Variants in CCDC141 observed in about 807,000 individuals in gnomAD.
CCDC141 encodes coiled-coil domain-containing protein 141.
CCDC141 carries 168 observed loss-of-function variants against 181.0 expected under a neutral mutation model. The observed-to-expected ratio is 0.93, with a 90% CI of 0.82 to 1.05. CCDC141 has a LOEUF of 1.05. CCDC141 is among the 50% of genes least tolerant of loss of function. The pLI, the probability that CCDC141 is intolerant of heterozygous loss-of-function variation, is 0.00. For synonymous variants in CCDC141, 666 were observed against 642.3 expected (o/e 1.04, Z -0.56); for missense variants, 1,902 against 1,788.5 (o/e 1.06, Z -1.14).
intron 12 of CCDC141, among the ~76,000 whole-genome samples, chr2:178,872,782 T>C (rs962877500): frequency 1.3e-5 from 2 of 152,210 alleles, no homozygotes; most frequent in African/African-American, 2.4e-5. Flanking sequence ...ATTGTATACA[T>C]TGCAATTATT....
intron 1 of CCDC141, among the ~76,000 whole-genome samples, chr2:179,047,899 T>A (rs1026367518): frequency 2.0e-5 from 3 of 152,186 alleles, no homozygotes; most frequent in African/African-American, 7.2e-5. Flanking sequence ...TAGCTGAAAA[T>A]AATAAATATC....
intron 2 of CCDC141, among the ~76,000 whole-genome samples, chr2:178,987,637 C>T (rs1415505415): frequency 1.3e-5 from 2 of 150,172 alleles, no homozygotes; most frequent in East Asian, 2.0e-4. Context: ...AAACAAACAA[C>T]CCCATCAAAA....
At chr2:178,859,453 G>T (rs1370036034) in intron 17 of CCDC141, among the ~76,000 whole-genome samples, 1 of 152,080 alleles carries the variant, frequency 6.6e-6, no homozygotes, top group East Asian at 1.9e-4. Context: ...CAACAATGGG[G>T]AATGGCGGGA....
the CCDC141 span, among the ~76,000 whole-genome samples, chr2:178,824,031 T>G: frequency 6.7e-6 from 1 of 149,686 alleles, no homozygotes. Context: ...TATGTATTAC[T>G]GAATTCATAC....
At chr2:178,969,369 T>C (rs1690780872) in intron 4 of CCDC141, among the ~76,000 whole-genome samples, 1 of 151,890 alleles carries the variant, frequency 6.6e-6, no homozygotes, top group South Asian at 2.1e-4. Context: ...GACGCAAAAA[T>C]CCTCAATAAA....
At chr2:178,954,757 T>C (rs1690088213) in intron 5 of CCDC141, among the ~76,000 whole-genome samples, 1 of 152,132 alleles carries the variant, frequency 6.6e-6, no homozygotes, top group Non-Finnish European at 1.5e-5. Flanking sequence ...AGCTGATATT[T>C]CATTAATGTA....
At chr2:178,864,197 G>A (rs761946899) in intron 17 of CCDC141, among the ~76,000 whole-genome samples, 1 of 152,116 alleles carries the variant, frequency 6.6e-6, no homozygotes, top group Non-Finnish European at 1.5e-5. Context: ...ACAAATAGAA[G>A]TAGAGGAGGA....
intron 2 of CCDC141, among the ~76,000 whole-genome samples, chr2:179,020,014 C>A (rs2042649742): frequency 6.6e-6 from 1 of 152,012 alleles, no homozygotes; most frequent in African/African-American, 2.4e-5. Context: ...CCTGGGCCTA[C>A]CAAAGTGCTA....
chr2:178,929,748 A>T (rs1439721934), intron 6 of CCDC141, among the ~76,000 whole-genome samples: 1 of 152,110 alleles, frequency 6.6e-6, no homozygotes, highest in East Asian at 1.9e-4. Flanking sequence ...TCTATCACTT[A>T]CACTCTCTTT....
intron 6 of CCDC141, among the ~76,000 whole-genome samples, chr2:178,921,995 G>A (rs560452204): frequency 6.6e-6 from 1 of 152,166 alleles, no homozygotes; most frequent in South Asian, 2.1e-4. Context: ...CTTTCTGTGC[G>A]ATTAGGGGAG....
intron 5 of CCDC141, among the ~76,000 whole-genome samples, chr2:178,953,896 C>G (rs1312831506): frequency 6.6e-6 from 1 of 152,158 alleles, no homozygotes; most frequent in African/African-American, 2.4e-5. Flanking sequence ...AAGATTGGTG[C>G]CCAGAGGCTA....
intron 17 of CCDC141, among the ~76,000 whole-genome samples, chr2:178,857,458 G>A (rs372532652): frequency 1.3e-5 from 2 of 152,214 alleles, no homozygotes; most frequent in Non-Finnish European, 2.9e-5. Flanking sequence ...TGCTAATGAC[G>A]GCTATGCTAA....
intron 6 of CCDC141, among the ~76,000 whole-genome samples, chr2:178,923,369 G>A (rs892609067): frequency 1.3e-5 from 2 of 152,070 alleles, no homozygotes; most frequent in Non-Finnish European, 2.9e-5. Flanking sequence ...CTCCCAAAGT[G>A]CTGGGATTAC....
chr2:178,914,164 T>C (rs1456993008), intron 7 of CCDC141, among the ~76,000 whole-genome samples: 2 of 152,194 alleles, frequency 1.3e-5, no homozygotes, highest in Non-Finnish European at 2.9e-5. Flanking sequence ...GTTATTCTAA[T>C]AGGTGCTATA....
downstream of CCDC141, among the ~76,000 whole-genome samples, chr2:178,825,856 G>C (rs1271278246): frequency 1.3e-5 from 2 of 152,110 alleles, no homozygotes; most frequent in Non-Finnish European, 2.9e-5. Flanking sequence ...GCTATACTCT[G>C]ATTAGTTCCA....
At chr2:178,985,005 G>T (rs1289074120) in intron 2 of CCDC141, among the ~76,000 whole-genome samples, 38 of 151,190 alleles carry the variant, frequency 2.5e-4, no homozygotes, top group African/African-American at 9.0e-4. Flanking sequence ...CAAATCAATA[G>T]AATATACATT....
At chr2:179,026,210 T>C (rs1223751371) in intron 2 of CCDC141, among the ~76,000 whole-genome samples, 1 of 152,214 alleles carries the variant, frequency 6.6e-6, no homozygotes, top group East Asian at 1.9e-4. Flanking sequence ...TCAGAGGTCT[T>C]CATTGCAGCC....
chr2:178,960,442 C>T (rs1469775514), intron 5 of CCDC141, among the ~76,000 whole-genome samples: 1 of 152,134 alleles, frequency 6.6e-6, no homozygotes, highest in Non-Finnish European at 1.5e-5. Flanking sequence ...AACCTCTTTC[C>T]TGTGTATCTA....
chr2:178,917,746 C>T (rs1479955232), intron 7 of CCDC141, among the ~76,000 whole-genome samples: 1 of 152,200 alleles, frequency 6.6e-6, no homozygotes, highest in Non-Finnish European at 1.5e-5. Flanking sequence ...TGCCACTTAG[C>T]AGGAACCACC....
Sources: allele counts gnomAD v4.1 joint callset (sites outside exome capture counted in the v4.1 genomes callset), GRCh38; gene constraint gnomAD v4.1.1; transcripts MANE v1.5; gene names NCBI Gene and HGNC (gene_info 2026-07-23, HGNC 2026-07-21).